Variants in FBXO36 observed in about 807,000 individuals in gnomAD.
FBXO36 encodes the protein F-box protein 36, also known as F-box only protein 36.
Under a neutral mutation model 17.0 loss-of-function variants are expected in FBXO36, and 18 were observed. That is an observed-to-expected ratio of 1.06 (90% CI 0.73 to 1.57). The LOEUF is 1.57. FBXO36 is among the 40% of genes most tolerant of loss of function. The pLI is 0.00. For synonymous variants in FBXO36, 83 were observed against 85.3 expected (o/e 0.97, Z 0.15); for missense variants, 229 against 221.9 (o/e 1.03, Z -0.20).
intron 1 of FBXO36, among the ~76,000 whole-genome samples, chr2:229,954,905 A>G (rs957873608): frequency 6.7e-6 from 1 of 150,138 alleles, no homozygotes; most frequent in Non-Finnish European, 1.5e-5. Flanking sequence ...GCTGGAGTAC[A>G]GTGGCACCAT....
chr2:229,979,531 G>C (rs1345789173), intron 2 of FBXO36, among the ~76,000 whole-genome samples: 1 of 151,872 alleles, frequency 6.6e-6, no homozygotes, highest in Non-Finnish European at 1.5e-5. Context: ...TATAATCCCA[G>C]CACTTTGGGA....
intron 3 of FBXO36, among the ~76,000 whole-genome samples, chr2:230,004,836 G>A (rs573286970): frequency 5.3e-5 from 8 of 152,104 alleles, no homozygotes; most frequent in South Asian, 4.2e-4. Context: ...GTGAAACCTC[G>A]TCTCTACTAA....
At chr2:229,983,236 G>A (rs1165283878) in intron 2 of FBXO36, among the ~76,000 whole-genome samples, 4 of 152,000 alleles carry the variant, frequency 2.6e-5, no homozygotes, top group Admixed American at 6.6e-5. Context: ...TTAGCCAAGC[G>A]TGGTGGCTTA....
At chr2:229,930,542 G>A (rs1330276689) in intron 1 of FBXO36, among the ~76,000 whole-genome samples, 6 of 152,126 alleles carry the variant, frequency 3.9e-5, no homozygotes, top group Middle Eastern at 3.4e-3. Context: ...CCTGAGGTCG[G>A]GAGGTCGAGA....
At chr2:229,957,643 G>A (rs1267231638) in intron 1 of FBXO36, among the ~76,000 whole-genome samples, 2 of 152,190 alleles carry the variant, frequency 1.3e-5, no homozygotes, top group Non-Finnish European at 2.9e-5. Context: ...TGCATTTGAA[G>A]CAAGCAGTAA....
chr2:229,990,191 C>A (rs1365257228), intron 2 of FBXO36, among the ~76,000 whole-genome samples: 2 of 149,730 alleles, frequency 1.3e-5, no homozygotes, highest in African/African-American at 4.9e-5. Flanking sequence ...AGTACCCATC[C>A]AATAGGGTCA....
intron 3 of FBXO36, among the ~76,000 whole-genome samples, chr2:229,999,419 G>A (rs1206652612): frequency 7.0e-6 from 1 of 142,142 alleles, no homozygotes; most frequent in Non-Finnish European, 1.5e-5. Context: ...GAGCCACCGC[G>A]CCCGGCCTTA....
chr2:229,964,743 A>T (rs192622638), intron 1 of FBXO36, among the ~76,000 whole-genome samples: 6 of 151,970 alleles, frequency 3.9e-5, no homozygotes, highest in Admixed American at 3.9e-4. Flanking sequence ...CTGGTCTCGA[A>T]CTCCTGACCT....
intron 1 of FBXO36, among the ~76,000 whole-genome samples, chr2:229,934,245 C>G (rs1263724786): frequency 6.6e-6 from 1 of 151,554 alleles, no homozygotes; most frequent in Admixed American, 6.6e-5. Context: ...ACTAAAAATA[C>G]AAAAAATTAG....
chr2:229,967,958 G>T (rs1560444321), intron 1 of FBXO36, among the ~76,000 whole-genome samples: 1 of 152,024 alleles, frequency 6.6e-6, no homozygotes, highest in African/African-American at 2.4e-5. Context: ...AATGGTACCA[G>T]CTCCTCCTTG....
chr2:229,942,125 T>C (rs2077002735), intron 1 of FBXO36, among the ~76,000 whole-genome samples: 1 of 152,130 alleles, frequency 6.6e-6, no homozygotes, highest in Non-Finnish European at 1.5e-5. Context: ...AACTAAGGAC[T>C]TTTAGGAGGT....
Position 229,922,525 on chromosome 2 carries a change from G to A in FBXO36, c.12G>A (p.Trp4Ter), listed in dbSNP as rs2076755360. MAS[W>*]LPETLFETVG... is the part of the protein sequence containing the mutation. ...GGTGGCGTCCCAAGATGGCGTCGTG[G>A]CTGCCGGAGACTCTCTTTGAAACTG... The change falls in exon 1 of 4, where the codon TGG becomes TGA. Residue 4 changes from tryptophan (W) to a stop codon, truncating the protein, a stop_gained. Coordinates refer to ENST00000283946, the MANE Select transcript of FBXO36 (RefSeq NM_174899.5). LOFTEE classifies it high-confidence loss of function. The A allele has an allele frequency of 6.2e-7, 1 of 1,613,888 alleles. No homozygotes were observed. The highest frequency in any genetic ancestry group is 8.5e-7 in the Non-Finnish European group (1 of 1,179,984).
chr2:230,007,810 G>A (rs932170979), intron 3 of FBXO36, among the ~76,000 whole-genome samples: 2 of 152,068 alleles, frequency 1.3e-5, no homozygotes, highest in Non-Finnish European at 2.9e-5. Flanking sequence ...TGGCCAGGCT[G>A]TTCTCGAATT....
chr2:229,922,833 G>A (rs1464626532), intron 1 of FBXO36, among the ~76,000 whole-genome samples: 1 of 152,164 alleles, frequency 6.6e-6, no homozygotes, highest in Non-Finnish European at 1.5e-5. Flanking sequence ...AGCCTTCTCT[G>A]CCTCCCCGCG....
chr2:229,930,992 C>A (rs144389423), intron 1 of FBXO36, among the ~76,000 whole-genome samples: 30 of 152,266 alleles, frequency 2.0e-4, no homozygotes, highest in African/African-American at 7.2e-4. Context: ...ATGTTTGACA[C>A]ACTTCAGAAA....
chr2:229,926,098 T>A (rs964075202), intron 1 of FBXO36, among the ~76,000 whole-genome samples: 1 of 139,376 alleles, frequency 7.2e-6, no homozygotes, highest in Non-Finnish European at 1.5e-5. Flanking sequence ...CAGACCAGCC[T>A]GGGCAACATA....
At chr2:229,982,534 C>T (rs528414453) in intron 2 of FBXO36, among the ~76,000 whole-genome samples, 31 of 152,128 alleles carry the variant, frequency 2.0e-4, no homozygotes, top group African/African-American at 7.5e-4. Flanking sequence ...TGGCTGGGCA[C>T]AGTGGCTCAC....
chr2:229,958,494 C>A (rs2077103433), intron 1 of FBXO36, among the ~76,000 whole-genome samples: 1 of 152,156 alleles, frequency 6.6e-6, no homozygotes, highest in African/African-American at 2.4e-5. Flanking sequence ...TGATCTCGAA[C>A]TCCTGACCTT....
intron 1 of FBXO36, among the ~76,000 whole-genome samples, chr2:229,968,857 A>G (rs531026496): frequency 7.3e-5 from 11 of 150,914 alleles, no homozygotes; most frequent in Non-Finnish European, 1.6e-4. Flanking sequence ...GAGTGCAACC[A>G]CTGACTCCCA....
Sources: allele counts gnomAD v4.1 joint callset (sites outside exome capture counted in the v4.1 genomes callset), GRCh38; gene constraint gnomAD v4.1.1; transcripts MANE v1.5; gene names NCBI Gene and HGNC (gene_info 2026-07-23, HGNC 2026-07-21).